The following ZGRF1 variants were observed in gnomAD, a reference collection of about 807,000 sequenced individuals.
The protein encoded by ZGRF1 is 5'-3' DNA helicase ZGRF1.
Under a neutral mutation model 203.5 loss-of-function variants are expected in ZGRF1, and 196 were observed. The observed-to-expected ratio is 0.96, with a 90% confidence interval of 0.86 to 1.08. The LOEUF (loss-of-function observed/expected upper bound fraction) is 1.08. Ranked by LOEUF, ZGRF1 falls within the 50% of genes least tolerant of loss-of-function variation. ZGRF1 has a pLI of 0.00. For synonymous variants in ZGRF1, 809 were observed against 841.3 expected, an observed-to-expected ratio of 0.96 and a Z score of 0.66; for missense variants, 2,326 against 2,416.3, an observed-to-expected ratio of 0.96 and a Z score of 0.78.
intron 20 of ZGRF1, among the ~76,000 whole-genome samples, chr4:112,555,681 T>A (rs1165882050): frequency 1.3e-5 from 2 of 152,186 alleles, no homozygotes; most frequent in African/African-American, 4.8e-5. Flanking sequence ...GCTCTTTCAT[T>A]TCTTCTCAAG....
intron 16 of ZGRF1, among the ~76,000 whole-genome samples, chr4:112,581,331 T>G (rs1441326789): frequency 6.7e-6 from 1 of 149,522 alleles, no homozygotes; most frequent in Non-Finnish European, 1.5e-5. Context: ...TAATGTTAAA[T>G]GATGAGTTAA....
At chr4:112,609,535 G>C (rs1751270615) in intron 7 of ZGRF1, 106 bp from the exon 8 acceptor site, 2 of 412,122 alleles carry the variant, frequency 4.9e-6, no homozygotes, top group African/African-American at 4.4e-5. Flanking sequence ...GCTGGGCATG[G>C]TGGCTCACAC....
chr4:112,612,062 T>C (rs2046700957), intron 7 of ZGRF1, among the ~76,000 whole-genome samples: 1 of 151,444 alleles, frequency 6.6e-6, no homozygotes, highest in Non-Finnish European at 1.5e-5. Context: ...GCCTCCTGGG[T>C]TCAAGTGATT....
At chr4:112,610,070 T>A (rs891710161) in intron 7 of ZGRF1, among the ~76,000 whole-genome samples, 1 of 148,772 alleles carries the variant, frequency 6.7e-6, no homozygotes, top group Non-Finnish European at 1.5e-5. Flanking sequence ...GCCCAGGAGG[T>A]CAAGGCTGCA....
chr4:112,602,589 G>T (rs1750152204), intron 10 of ZGRF1, among the ~76,000 whole-genome samples: 1 of 152,152 alleles, frequency 6.6e-6, no homozygotes, highest in South Asian at 2.1e-4. Flanking sequence ...GTTCATGATG[G>T]TACTTGAATG....
chr4:112,608,897 TTTG>T (rs1318274298), intron 8 of ZGRF1, among the ~76,000 whole-genome samples: 1 of 152,146 alleles, frequency 6.6e-6, no homozygotes, highest in African/African-American at 2.4e-5. Context: ...TGGTAAAGAA[TTTG>T]TTATTTAACC....
At chr4:112,553,805 A>C in intron 22 of ZGRF1, 30 bp downstream of exon 22, 1 of 1,575,432 alleles carries the variant, frequency 6.3e-7, no homozygotes, top group East Asian at 2.2e-5. Context: ...TATATAAATC[A>C]AGAAACAAAT....
At position 112,617,792 on chromosome 4, in the gene ZGRF1, A is replaced by G. The variant is rs775308113; in HGVS notation, c.2250T>C (p.Cys750=). 6 of 1,613,974 alleles carry G rather than the reference A, an allele frequency of 3.7e-6. No homozygotes were observed. The South Asian group carries it at 6.6e-5, about 18-fold the overall frequency. Reference sequence around the variant, plus strand: ...GGGTATTTGATTTATCAAGTGCAATACATTCATAGTGATTCTGATTGGTAT... The same window carrying G: ...GGGTATTTGATTTATCAAGTGCAATGCATTCATAGTGATTCTGATTGGTAT... ...LLNTNQNHYE[C]IALDKSNTHI... Residue 750 remains cysteine (C), a synonymous_variant, in exon 6 of 28, where the codon TGT becomes TGC. Transcript: ENST00000505019.
rs1212813474 is a variant in ZGRF1, at chr4:112,584,157, T to C, written c.4119A>G (p.Thr1373=). 1 of 1,591,416 alleles carries C rather than the reference T, an allele frequency of 6.3e-7. No individual in the cohort carries two copies. The highest frequency in any genetic ancestry group is 8.5e-7 in the Non-Finnish European group (1 of 1,173,464). ...EGPNKGRLFY[T]CDGPKADRCK... ...ATCGATCAGCTTTGGGTCCATCACA[T>C]GTATAAAAGAGACGACCCTAAGGGG... Residue 1373 remains threonine (T), a synonymous_variant, in exon 15 of 28, where the codon ACA becomes ACG. Transcript: ENST00000505019.
In ZGRF1 at chr4:112,587,784, T is replaced by G. The variant is rs377361746; in HGVS notation, c.3273A>C (p.Thr1091=). 1.3e-6 allele frequency: 2 copies of G among 1,552,980 alleles called. No homozygotes were observed. Among genetic ancestry groups the G allele is most frequent in the Non-Finnish European group, 1.7e-6 (2 of 1,147,474 alleles). ...GCATGGGGGAGCCAGAAGACTCGTA[T>G]GTGTTAGAGTTGATCATATACGAAT... ...DSHSYMINSN[T]YESSGSPMLN... is the part of the protein sequence containing the mutation. The change falls in exon 12 of 28, where the codon ACA becomes ACC. Residue 1091 remains threonine, a synonymous_variant. Coordinates refer to ENST00000505019, the MANE Select transcript of ZGRF1 (RefSeq NM_018392.5).
intron 14 of ZGRF1, 82 bp downstream of exon 14, chr4:112,585,459 A>T: frequency 2.7e-6 from 3 of 1,106,340 alleles, no homozygotes; most frequent in Non-Finnish European, 3.8e-6. Context: ...CTCACTCTTT[A>T]AGCTTATCAT....
At chr4:112,552,758 C>A (rs1740200213) in intron 22 of ZGRF1, among the ~76,000 whole-genome samples, 1 of 152,186 alleles carries the variant, frequency 6.6e-6, no homozygotes, top group Admixed American at 6.5e-5. Context: ...ACACCCTTTG[C>A]CATGTTACTT....
intron 10 of ZGRF1, among the ~76,000 whole-genome samples, chr4:112,600,002 C>G (rs752159219): frequency 6.6e-5 from 10 of 152,042 alleles, no homozygotes; most frequent in Non-Finnish European, 1.5e-4. Context: ...AAAGCTTGTA[C>G]AAGATAATAT....
chr4:112,547,473 ACT>A, intron 23 of ZGRF1, 65 bp from the exon 24 acceptor site: 1 of 1,466,874 alleles, frequency 6.8e-7, no homozygotes, highest in Non-Finnish European at 9.2e-7. Context: ...CATTTATTGC[ACT>A]GTTTGCCAAA....
chr4:112,570,311 A>T lies in ZGRF1; in HGVS notation c.4439-7037T>A, dbSNP rs115141851. 3.4e-3 allele frequency among the ~76,000 whole-genome samples: 512 copies of T among 152,316 alleles called. 2 individuals carry two copies. The highest frequency in any genetic ancestry group is 0.011 in the African/African-American group (469 of 41,576). ...AAGTGTACAAAAACCTTAGTAGGCT[A>T]GTCGTGGTGGCTCACGCCTGTAATC... is the stretch of plus-strand genomic sequence containing the variant. On this transcript the variant is annotated intron_variant, in intron 16 of 27. Transcript: ENST00000505019.
chr4:112,544,127 C>T (rs947102538), intron 24 of ZGRF1, among the ~76,000 whole-genome samples: 40 of 152,094 alleles, frequency 2.6e-4, no homozygotes, highest in African/African-American at 9.2e-4. Context: ...CAATTAACAG[C>T]TCAAGACAAC....
chr4:112,628,491 A>G (rs923200975), intron 3 of ZGRF1: 2 of 435,138 alleles, frequency 4.6e-6, no homozygotes, highest in African/African-American at 2.0e-5. Context: ...TGACTTATTC[A>G]GTGGAAGATG....
intron 20 of ZGRF1, among the ~76,000 whole-genome samples, chr4:112,557,388 T>A (rs531250373): frequency 6.6e-6 from 1 of 152,288 alleles, no homozygotes; most frequent in African/African-American, 2.4e-5. Context: ...TTGGCCAAGC[T>A]GGTGTTGAAC....
In ZGRF1 at chr4:112,603,667, C is replaced by A. The variant is rs925454132; in HGVS notation, c.2833G>T (p.Gly945Ter). ...ACCATTACACCACTAGTAGCTGATCCTTTTACTTGATGTCCTTGAAACTCA... is the reference window on the plus strand; with the variant it reads ...ACCATTACACCACTAGTAGCTGATCATTTTACTTGATGTCCTTGAAACTCA... ...PVEFQGHQVKGSATSGVMVRG... is the reference protein window; with the variant it reads ...PVEFQGHQVK The change falls in exon 10 of 28, where the codon GGA becomes TGA. Residue 945 changes from glycine (G) to a stop codon, truncating the protein, a stop_gained. Coordinates refer to ENST00000505019, the MANE Select transcript of ZGRF1 (RefSeq NM_018392.5). LOFTEE classifies it high-confidence loss of function. 6.2e-7 allele frequency: 1 copy of A among 1,613,774 alleles called. No individual in the cohort carries two copies. The highest frequency in any genetic ancestry group is 8.5e-7 in the Non-Finnish European group (1 of 1,179,896).
Sources: allele counts gnomAD v4.1 joint callset (sites outside exome capture counted in the v4.1 genomes callset), GRCh38; gene constraint gnomAD v4.1.1; transcripts MANE v1.5; gene names NCBI Gene and HGNC (gene_info 2026-07-23, HGNC 2026-07-21).